The following TPCN1 variants were observed in gnomAD, a reference collection of about 807,000 sequenced individuals.
TPCN1 encodes two pore channel protein 1.
TPCN1 carries 52 observed loss-of-function variants against 108.8 expected under a neutral mutation model. The ratio of observed to expected loss-of-function variants is 0.48; its 90% CI spans 0.38 to 0.60. The LOEUF is 0.60. Among genes scored for constraint, TPCN1 ranks in the 20% least tolerant of loss-of-function variants. The pLI, the probability that TPCN1 is intolerant of heterozygous loss-of-function variation, is 0.00. For synonymous variants in TPCN1, 446 were observed against 433.7 expected (o/e 1.03, Z -0.35); for missense variants, 806 against 1,072.8 (o/e 0.75, Z 3.47).
In TPCN1 at chr12:113,235,626, T is replaced by C. The variant is rs181232382; in HGVS notation, c.112+8662T>C. ...ACTAAAATGGCCGCACATTTAGGAC[T>C]TAGAACAGCTGCCCTGGAAGTTAGA... On this transcript the variant is annotated intron_variant, in intron 2 of 27. Transcript: ENST00000335509. Among the ~76,000 whole-genome samples the C allele has an allele frequency of 1.7e-3, 258 of 152,322 alleles. 2 individuals are homozygous for C. Among genetic ancestry groups the C allele is most frequent in the Admixed American group, 4.9e-3 (75 of 15,294 alleles).
intron 2 of TPCN1, among the ~76,000 whole-genome samples, chr12:113,253,017 G>A (rs1050659444): frequency 3.9e-5 from 6 of 152,276 alleles, no homozygotes; most frequent in Non-Finnish European, 7.4e-5. Context: ...ACCCTGTCAC[G>A]CTTTTGGAGT....
intron 11 of TPCN1, 101 bp from the exon 12 acceptor site, chr12:113,277,139 C>G: frequency 6.2e-7 from 1 of 1,602,196 alleles, no homozygotes; most frequent in Admixed American, 1.7e-5. Flanking sequence ...ACCAGGAACC[C>G]TGCCCTTGGA....
Position 113,288,241 on chromosome 12 carries a change from C to T in TPCN1, c.1706+7C>T. 6.2e-7 allele frequency: 1 copy of T among 1,613,652 alleles called. No homozygotes were observed. Among genetic ancestry groups the T allele is most frequent in the Non-Finnish European group, 8.5e-7 (1 of 1,179,912 alleles). On this transcript the variant is annotated splice_region_variant and intron_variant, in intron 20 of 27. Transcript: ENST00000335509. The surrounding 1 kb of genome is among the most constrained non-coding windows in gnomAD (Gnocchi z 4.8). ...TGCTGCCCCGGATGGCCAGGTACTG[C>T]CAGCCCCCACCCTGGCCTGCAGGTC...
At position 113,260,223 on chromosome 12, in the gene TPCN1, A is replaced by G. The variant is rs753283041; in HGVS notation, c.113-145A>G. 46 of 863,208 alleles carry G rather than the reference A, an allele frequency of 5.3e-5. 1 individual carries two copies. The highest frequency in any genetic ancestry group is 2.9e-4 in the Middle Eastern group (1 of 3,480). 53.5% of individuals were successfully genotyped at this position (863,208 alleles called of 1,614,324 possible). On this transcript the variant is annotated intron_variant, in intron 2 of 27. Transcript: ENST00000335509. ...AGCTGTGCTAATTCTTGCCATTATC[A>G]GTACACAGCATGGAGGTTGATTTGA...
intron 2 of TPCN1, among the ~76,000 whole-genome samples, chr12:113,256,807 T>C (rs576155622): frequency 1.6e-4 from 24 of 152,350 alleles, no homozygotes; most frequent in African/African-American, 5.8e-4. Flanking sequence ...GAAATCTTTA[T>C]GACCAGGGGT....
chr12:113,279,357 GTGTATATA>G lies in TPCN1; in HGVS notation c.1297+524_1297+531del, dbSNP rs1453889280. ...TGTGTGTATATATATGTGTGTGTGTGTGTATATATATATATATATATATATATATATAT... is the reference window on the plus strand; with the variant it reads ...TGTGTGTATATATATGTGTGTGTGTGTATATATATATATATATATATATAT... On this transcript the variant is annotated intron_variant, in intron 14 of 27. Transcript: ENST00000335509. Among the ~76,000 whole-genome samples the G allele has an allele frequency of 3.9e-3, 257 of 65,908 alleles. 2 individuals are homozygous for G. The highest frequency in any genetic ancestry group is 5.0e-3 in the Non-Finnish European group (192 of 38,718). The allele number at this position is 65,908 out of a possible 152,430, so 43.2% of individuals were successfully genotyped here.
At chr12:113,247,310 A>G (rs920241145) in intron 2 of TPCN1, among the ~76,000 whole-genome samples, 20 of 152,146 alleles carry the variant, frequency 1.3e-4, no homozygotes, top group African/African-American at 4.6e-4. Flanking sequence ...ATCTGCACTC[A>G]CACCCTGACT....
intron 2 of TPCN1, among the ~76,000 whole-genome samples, chr12:113,247,720 C>T (rs971582388): frequency 3.9e-5 from 6 of 152,228 alleles, no homozygotes; most frequent in Admixed American, 2.0e-4. Context: ...TTCTATAATC[C>T]CTAAATATGT....
intron 18 of TPCN1, 48 bp from the exon 19 acceptor site, chr12:113,286,939 G>A (rs1956103188): frequency 7.0e-7 from 1 of 1,438,108 alleles, no homozygotes; most frequent in South Asian, 1.2e-5. Context: ...AGCAGGCGCA[G>A]GTAGGCTCAG....
intron 2 of TPCN1, chr12:113,245,819 G>A: frequency 2.6e-6 from 1 of 387,096 alleles, no homozygotes; most frequent in Non-Finnish European, 5.3e-6. Flanking sequence ...GGTCGTGGAA[G>A]CCTTCCCCTC....
rs915638698 is a variant in TPCN1 at position 113,231,399 on chromosome 12, C to T, written c.112+4435C>T. ...GTCCCTGAGTCTGTGTGTCTGTCCT[C>T]TTCAGATAAGGACACCAGTCCTATT... On this transcript the variant is annotated intron_variant, in intron 2 of 27. Transcript: ENST00000335509. The surrounding 1 kb of genome is among the most constrained non-coding windows in gnomAD (Gnocchi z 4.3). Among the ~76,000 whole-genome samples, 1 of 152,224 alleles carries T rather than the reference C, an allele frequency of 6.6e-6. No individual in the cohort carries two copies. The highest frequency in any genetic ancestry group is 1.5e-5 in the Non-Finnish European group (1 of 68,046).
rs755772675 is a variant in TPCN1 at position 113,278,852 on chromosome 12, A to G, written c.1297+17A>G. ...TCTTCAAAGGTAAGTGGGCTTGAGT[A>G]TGGCAGGTGTTGGCAGCTGGGGGCC... On this transcript the variant is annotated intron_variant, in intron 14 of 27. Coordinates refer to ENST00000335509, the MANE Select transcript of TPCN1 (RefSeq NM_017901.6). The G allele has an allele frequency of 5.0e-6, 8 of 1,613,260 alleles. No individual in the cohort carries two copies. Among genetic ancestry groups the G allele is most frequent in the South Asian group, 1.1e-5 (1 of 91,084 alleles).
chr12:113,242,127 G>A (rs1045614216), intron 2 of TPCN1, among the ~76,000 whole-genome samples: 2 of 152,216 alleles, frequency 1.3e-5, no homozygotes, highest in Non-Finnish European at 2.9e-5. Flanking sequence ...AAAAATGACC[G>A]TGGCGGCCCC....
chr12:113,238,404 T>A (rs1351326318), intron 2 of TPCN1, among the ~76,000 whole-genome samples: 1 of 152,244 alleles, frequency 6.6e-6, no homozygotes, highest in African/African-American at 2.4e-5. Context: ...AGATATGTCC[T>A]GTGAGTGCCA....
At chr12:113,256,729 T>G (rs1954842098) in intron 2 of TPCN1, among the ~76,000 whole-genome samples, 1 of 152,194 alleles carries the variant, frequency 6.6e-6, no homozygotes, top group African/African-American at 2.4e-5. Flanking sequence ...AGACAAGATC[T>G]CACTGCGTTG....
At position 113,296,067 on chromosome 12, in the gene TPCN1, C is replaced by A. The variant is rs201814780; in HGVS notation, c.2442C>A (p.Thr814=). The A allele has an allele frequency of 1.2e-6, 2 of 1,612,732 alleles. No individual in the cohort carries two copies. The highest frequency in any genetic ancestry group is 8.5e-7 in the Non-Finnish European group (1 of 1,179,528). Reference sequence around the variant, plus strand: ...CAGGCAGCCGCCAGCGCTCCCAGACCGTTACCTAGCCCAGCGCCCGAAAGC... The same window carrying A: ...CAGGCAGCCGCCAGCGCTCCCAGACAGTTACCTAGCCCAGCGCCCGAAAGC... The part of the protein sequence containing the change: ...QPPGSRQRSQ[T]VT The change falls in exon 28 of 28, where the codon ACC becomes ACA. Residue 814 remains threonine, a synonymous_variant. Transcript: ENST00000335509.
At chr12:113,235,544 GTCT>G (rs1290584166) in intron 2 of TPCN1, among the ~76,000 whole-genome samples, 5 of 151,842 alleles carry the variant, frequency 3.3e-5, no homozygotes, top group Non-Finnish European at 5.9e-5. Context: ...TTAATAGCTG[GTCT>G]TCTTTTTTCC....
rs1378552398 is a variant in TPCN1, at chr12:113,273,823, C to T, written c.942+155C>T. ...AGATTCATAGTCAGGTGCGGTGTTGCAGGGAATGCCCTGTCGGGACTTCAG... is the reference window on the plus strand; with the variant it reads ...AGATTCATAGTCAGGTGCGGTGTTGTAGGGAATGCCCTGTCGGGACTTCAG... On this transcript the variant is annotated intron_variant, in intron 10 of 27. Coordinates refer to ENST00000335509, the MANE Select transcript of TPCN1 (RefSeq NM_017901.6). The surrounding 1 kb of genome is among the most constrained non-coding windows in gnomAD (Gnocchi z 4.0). Among the ~76,000 whole-genome samples the T allele has an allele frequency of 6.6e-6, 1 of 152,158 alleles. No individual in the cohort carries two copies. The highest frequency in any genetic ancestry group is 1.5e-5 in the Non-Finnish European group (1 of 68,022).
In TPCN1 at chr12:113,296,352, C is replaced by A. The variant is rs552896931; in HGVS notation, c.*276C>A. 2.3e-6 allele frequency: 1 copy of A among 427,832 alleles called. No homozygotes were observed. Among genetic ancestry groups the A allele is most frequent in the African/African-American group, 2.0e-5 (1 of 51,090 alleles). 26.5% of individuals were successfully genotyped at this position (427,832 alleles called of 1,614,324 possible). A position where few individuals can be genotyped will look rare whatever the true frequency, so the allele number is the denominator to read the frequency against. On this transcript the variant is annotated 3_prime_UTR_variant, in exon 28 of 28. Coordinates refer to ENST00000335509, the MANE Select transcript of TPCN1 (RefSeq NM_017901.6). ...CAGAAGGCCCTTCACAAGGAGACCCCTCACCTGGATCCAGTCGACTGCGGG... is the reference window on the plus strand; with the variant it reads ...CAGAAGGCCCTTCACAAGGAGACCCATCACCTGGATCCAGTCGACTGCGGG...
Sources: gnomAD v4.1 joint callset for allele counts (sites outside exome capture counted in the v4.1 genomes callset) on GRCh38, gnomAD v4.1.1 for gene constraint, Gnocchi (gnomAD v3.1) non-coding constraint, MANE v1.5 for transcripts, NCBI Gene and HGNC (gene_info 2026-07-23, HGNC 2026-07-21) for gene names.